The following C4orf36 variants were observed in gnomAD, a reference collection of about 807,000 sequenced individuals.
The protein encoded by C4orf36 is chromosome 4 open reading frame 36.
A neutral mutation model predicts 12.2 loss-of-function variants in C4orf36; 11 were observed. That is an observed-to-expected ratio of 0.90 (90% CI 0.57 to 1.49). The LOEUF (loss-of-function observed/expected upper bound fraction) is 1.49, where lower values mean the gene tolerates loss of function less well. Ranked by LOEUF, C4orf36 falls within the 40% of genes most tolerant of loss-of-function variation. The pLI is 0.00. For synonymous variants in C4orf36, 54 were observed against 51.3 expected (o/e 1.05, Z -0.22); for missense variants, 137 against 133.9 (o/e 1.02, Z -0.11).
the C4orf36 span, chr4:86,914,154 A>G: frequency 1.9e-6 from 3 of 1,596,360 alleles, no homozygotes; most frequent in Non-Finnish European, 2.6e-6. Context: ...TCCACTTCCC[A>G]CAGCAAATTT....
chr4:86,923,165 C>T, the C4orf36 span, among the ~76,000 whole-genome samples: 1 of 150,880 alleles, frequency 6.6e-6, no homozygotes, highest in Non-Finnish European at 1.5e-5. Context: ...AATCATGATT[C>T]ACTGCAGCCT....
chr4:86,915,409 A>G, the C4orf36 span, among the ~76,000 whole-genome samples: 294 of 152,344 alleles, frequency 1.9e-3, 2 homozygotes, highest in Middle Eastern at 3.4e-3. Context: ...TTATTCAGAA[A>G]TAGAGTCATG....
the C4orf36 span, among the ~76,000 whole-genome samples, chr4:86,912,559 C>A: frequency 5.3e-5 from 8 of 152,274 alleles, no homozygotes; most frequent in South Asian, 8.3e-4. Flanking sequence ...CAATGCCTGC[C>A]TATATATCCA....
At chr4:86,920,007 T>C in the C4orf36 span, among the ~76,000 whole-genome samples, 3 of 152,164 alleles carry the variant, frequency 2.0e-5, no homozygotes, top group African/African-American at 7.2e-5. Context: ...CCAGCCTGGG[T>C]GACAGAGCAA....
At chr4:86,877,428 G>A (rs556023840) in intron 4 of C4orf36, among the ~76,000 whole-genome samples, 1 of 152,334 alleles carries the variant, frequency 6.6e-6, no homozygotes, top group African/African-American at 2.4e-5. Context: ...CCAACTCCCA[G>A]ACTTTCAGCC....
chr4:86,887,709 A>T (rs745514275), intron 4 of C4orf36, 49 bp downstream of exon 4: 135 of 1,610,354 alleles, frequency 8.4e-5, no homozygotes, highest in Middle Eastern at 8.2e-4. Flanking sequence ...AGAGACCTTC[A>T]TGCCCTTTGG....
At chr4:86,930,994 C>T in the C4orf36 span, among the ~76,000 whole-genome samples, 1 of 152,182 alleles carries the variant, frequency 6.6e-6, no homozygotes, top group Non-Finnish European at 1.5e-5. Context: ...CATTTTCTTG[C>T]ATAACCTTAG....
At chr4:86,888,663 G>C (rs1747275957) in intron 2 of C4orf36, among the ~76,000 whole-genome samples, 1 of 152,232 alleles carries the variant, frequency 6.6e-6, no homozygotes, top group African/African-American at 2.4e-5. Context: ...GCTTGGCACA[G>C]ACTAAGGTTT....
intron 2 of C4orf36, among the ~76,000 whole-genome samples, chr4:86,891,238 G>C (rs931651812): frequency 7.1e-6 from 1 of 140,634 alleles, no homozygotes; most frequent in Admixed American, 7.8e-5. Flanking sequence ...TTTCTCACTT[G>C]AAAGTGTTGT....
the C4orf36 span, among the ~76,000 whole-genome samples, chr4:86,902,433 AAAAAAAAAAG>A: frequency 6.6e-6 from 1 of 151,194 alleles, no homozygotes; most frequent in African/African-American, 2.4e-5. Flanking sequence ...AAAAAAAAAA[AAAAAAAAAAG>A]AAAGAAAGAA....
chr4:86,921,175 A>C, the C4orf36 span, among the ~76,000 whole-genome samples: 1 of 152,174 alleles, frequency 6.6e-6, no homozygotes, highest in Admixed American at 6.6e-5. Flanking sequence ...CAAAAAAAAA[A>C]AAAAAAGTTT....
At chr4:86,931,956 A>C in the C4orf36 span, among the ~76,000 whole-genome samples, 1 of 149,672 alleles carries the variant, frequency 6.7e-6, no homozygotes, top group Non-Finnish European at 1.5e-5. Context: ...AATGGCGTGA[A>C]CCCGGGAGAC....
At chr4:86,888,470 T>C in intron 2 of C4orf36, among the ~76,000 whole-genome samples, 195 bp from the exon 3 acceptor site, 1 of 152,186 alleles carries the variant, frequency 6.6e-6, no homozygotes, top group East Asian at 1.9e-4. Flanking sequence ...AATATAGAGA[T>C]AATACTGAAC....
At chr4:86,919,315 C>CTTT in the C4orf36 span, among the ~76,000 whole-genome samples, 627 of 81,466 alleles carry the variant, frequency 7.7e-3, 2 homozygotes, top group African/African-American at 0.011. Flanking sequence ...TTTTTTCCCC[C>CTTT]TTTTTTTTTT....
chr4:86,876,781 T>A, intron 4 of C4orf36: 3 of 1,381,412 alleles, frequency 2.2e-6, no homozygotes, highest in South Asian at 3.1e-5. Context: ...GTTGCAATTT[T>A]AAAATAAAAA....
At chr4:86,897,054 A>G (rs1043962993), upstream of C4orf36, among the ~76,000 whole-genome samples, 1 of 152,074 alleles carries the variant, frequency 6.6e-6, no homozygotes, top group Non-Finnish European at 1.5e-5. Flanking sequence ...GTTAAGGGGG[A>G]AAAATGTTTA....
chr4:86,923,928 T>C, the C4orf36 span, among the ~76,000 whole-genome samples: 1 of 152,222 alleles, frequency 6.6e-6, no homozygotes, highest in African/African-American at 2.4e-5. Context: ...GTCATATTAA[T>C]ATTTTCTAGG....
the C4orf36 span, among the ~76,000 whole-genome samples, chr4:86,931,045 T>C: frequency 6.6e-6 from 1 of 152,232 alleles, no homozygotes; most frequent in Non-Finnish European, 1.5e-5. Flanking sequence ...TCCACTTTCA[T>C]GTGGCAGTCT....
Position 86,876,387 on chromosome 4 carries a change from G to A in C4orf36, c.*59C>T. 6.2e-7 allele frequency: 1 copy of A among 1,607,780 alleles called. No homozygotes were observed. The highest frequency in any genetic ancestry group is 8.5e-7 in the Non-Finnish European group (1 of 1,177,474). On this transcript the variant is annotated 3_prime_UTR_variant, in exon 5 of 5. Transcript: ENST00000295898. Reference sequence around the variant, plus strand: ...CGGGAGCGGGTCCTGGGCGGCCCAGGAGAAGCAGTTCCCGCCGGCGCTGCT... The same window carrying A: ...CGGGAGCGGGTCCTGGGCGGCCCAGAAGAAGCAGTTCCCGCCGGCGCTGCT...
Sources: allele counts gnomAD v4.1 joint callset (sites outside exome capture counted in the v4.1 genomes callset), GRCh38; gene constraint gnomAD v4.1.1; transcripts MANE v1.5; gene names NCBI Gene and HGNC (gene_info 2026-07-23, HGNC 2026-07-21).